The following CDH6 variants were observed in gnomAD, a reference collection of about 807,000 sequenced individuals.
The protein encoded by CDH6 is cadherin 6, also known as cadherin-6.
CDH6 carries 31 observed loss-of-function variants against 78.0 expected under a neutral mutation model. The ratio of observed to expected loss-of-function variants is 0.40; its 90% confidence interval spans 0.30 to 0.54. The LOEUF is 0.54. Among genes scored for constraint, CDH6 ranks in the 20% least tolerant of loss-of-function variants. CDH6 has a pLI of 0.56. For synonymous variants in CDH6, 376 were observed against 368.8 expected (o/e 1.02, Z -0.23); for missense variants, 724 against 975.9 (o/e 0.74, Z 3.44).
intron 2 of CDH6, among the ~76,000 whole-genome samples, chr5:31,287,582 T>TC (rs930166582): frequency 3.7e-4 from 57 of 152,284 alleles, no homozygotes; most frequent in Non-Finnish European, 6.5e-4. Flanking sequence ...TTAACTAAGT[T>TC]CCCCAAGGTT....
intron 11 of CDH6, among the ~76,000 whole-genome samples, chr5:31,319,635 T>C (rs1034293190): frequency 6.6e-6 from 1 of 152,198 alleles, no homozygotes; most frequent in African/African-American, 2.4e-5. Flanking sequence ...TTCAAACTTA[T>C]GAAATGCAGG....
chr5:31,308,181 C>T (rs1309777449), intron 7 of CDH6, among the ~76,000 whole-genome samples: 2 of 152,072 alleles, frequency 1.3e-5, no homozygotes, highest in East Asian at 1.9e-4. Flanking sequence ...AATTCTTCCC[C>T]AGAGCACTGA....
Position 31,325,644 on chromosome 5 carries a change from T to C in CDH6, c.*2336T>C, listed in dbSNP as rs1738609759. The stretch of plus-strand genomic sequence containing the variant: ...CCAATGTTTAAAGGTAAGATCTGAG[T>C]TCTCCTAATAAGTAAAAGTAAGTAG... On this transcript the variant is annotated 3_prime_UTR_variant, in exon 12 of 12. Transcript: ENST00000265071. 4.3e-6 allele frequency: 1 copy of C among 231,100 alleles called. No homozygotes were observed. 14.3% of individuals were successfully genotyped at this position (231,100 alleles called of 1,614,324 possible). A position where few individuals can be genotyped will look rare whatever the true frequency, so the allele number is the denominator to read the frequency against.
At chr5:31,251,263 G>T (rs566769114) in intron 1 of CDH6, 1 of 152,314 alleles carries the variant, frequency 6.6e-6, no homozygotes, top group East Asian at 1.9e-4. Flanking sequence ...GCTCTCTACT[G>T]CCCCTGTAAG....
At chr5:31,300,674 A>C (rs943011559) in intron 5 of CDH6, among the ~76,000 whole-genome samples, 3 of 152,322 alleles carry the variant, frequency 2.0e-5, no homozygotes, top group South Asian at 2.1e-4. Flanking sequence ...GAATAACATA[A>C]GGATTCCCCC....
intron 1 of CDH6, among the ~76,000 whole-genome samples, chr5:31,224,167 A>G (rs1384620585): frequency 6.6e-6 from 1 of 152,228 alleles, no homozygotes; most frequent in Non-Finnish European, 1.5e-5. Context: ...TCATGGCTGA[A>G]GCAAGGAAGA....
At chr5:31,302,798 GAGAAAGAA>G (rs1180539177) in intron 6 of CDH6, among the ~76,000 whole-genome samples, 78 of 36,584 alleles carry the variant, frequency 2.1e-3, no homozygotes, top group African/African-American at 6.6e-3. Flanking sequence ...GAGAGAGAGA[GAGAAAGAA>G]AGAAAGAAAG....
chr5:31,271,230 G>T (rs1056902247), intron 2 of CDH6, among the ~76,000 whole-genome samples: 3 of 152,178 alleles, frequency 2.0e-5, no homozygotes, highest in African/African-American at 7.2e-5. Context: ...GTCATCGTAG[G>T]ATGGTGGAGT....
intron 6 of CDH6, among the ~76,000 whole-genome samples, chr5:31,302,765 GAAAGA>G (rs1737808548): frequency 1.9e-5 from 2 of 107,726 alleles, no homozygotes; most frequent in Non-Finnish European, 3.7e-5. Flanking sequence ...AAGAAAGAAA[GAAAGA>G]AAGAAGAAAG....
intron 2 of CDH6, among the ~76,000 whole-genome samples, chr5:31,283,950 G>A (rs1742940275): frequency 6.6e-6 from 1 of 151,936 alleles, no homozygotes; most frequent in African/African-American, 2.4e-5. Context: ...TAGTAGCTGG[G>A]CCTACAGGCA....
intron 3 of CDH6, among the ~76,000 whole-genome samples, chr5:31,296,371 T>G (rs866230592): frequency 6.6e-6 from 1 of 152,066 alleles, no homozygotes; most frequent in Non-Finnish European, 1.5e-5. Flanking sequence ...ACATGAAAAT[T>G]TATGTGGAAT....
chr5:31,201,204 G>T (rs147206603), intron 1 of CDH6, among the ~76,000 whole-genome samples: 2 of 152,092 alleles, frequency 1.3e-5, no homozygotes, highest in African/African-American at 2.4e-5. Context: ...AAGGATGTAG[G>T]CTTCTTTAAG....
chr5:31,217,734 C>T (rs1740906281), intron 1 of CDH6, among the ~76,000 whole-genome samples: 1 of 152,112 alleles, frequency 6.6e-6, no homozygotes, highest in Non-Finnish European at 1.5e-5. Context: ...CAGGTACACA[C>T]AAGTTACAAT....
At chr5:31,299,732 T>A (rs904794767) in intron 5 of CDH6, 101 bp downstream of exon 5, 1 of 1,016,312 alleles carries the variant, frequency 9.8e-7, no homozygotes, top group Non-Finnish European at 1.5e-6. Context: ...TCAAAGTTAG[T>A]GGACTTAAGA....
At chr5:31,225,871 A>G (rs1330727680) in intron 1 of CDH6, among the ~76,000 whole-genome samples, 2 of 152,204 alleles carry the variant, frequency 1.3e-5, no homozygotes, top group African/African-American at 4.8e-5. Context: ...TGGATAAGGA[A>G]TCTGAATAGC....
chr5:31,235,077 G>T (rs2111861902), intron 1 of CDH6, among the ~76,000 whole-genome samples: 1 of 152,150 alleles, frequency 6.6e-6, no homozygotes, highest in East Asian at 1.9e-4. Context: ...TTGAGATACT[G>T]AGCGAGTTGC....
At chr5:31,261,935 AG>A (rs1308108121) in intron 1 of CDH6, among the ~76,000 whole-genome samples, 1 of 152,228 alleles carries the variant, frequency 6.6e-6, no homozygotes, top group East Asian at 1.9e-4. Context: ...AATTCTAATT[AG>A]CATATTAATT....
At chr5:31,224,120 A>G (rs1023387038) in intron 1 of CDH6, among the ~76,000 whole-genome samples, 6 of 152,362 alleles carry the variant, frequency 3.9e-5, no homozygotes, top group African/African-American at 1.4e-4. Flanking sequence ...GAGGTTTAAT[A>G]GACTTACAGC....
intron 1 of CDH6, among the ~76,000 whole-genome samples, chr5:31,247,310 A>T (rs1741779549): frequency 6.6e-6 from 1 of 152,216 alleles, no homozygotes; most frequent in South Asian, 2.1e-4. Flanking sequence ...GTCACTCCTC[A>T]GTTTAGAGGA....
Sources: gnomAD v4.1 joint callset for allele counts (sites outside exome capture counted in the v4.1 genomes callset) on GRCh38, gnomAD v4.1.1 for gene constraint, MANE v1.5 for transcripts, NCBI Gene and HGNC (gene_info 2026-07-23, HGNC 2026-07-21) for gene names.